BABAM2: variants seen among roughly 807,000 people sequenced by gnomAD.
The protein encoded by BABAM2 is BRISC and BRCA1-A complex member 2.
In BABAM2, 31 loss-of-function variants were observed where a neutral mutation model predicts 54.7. The observed-to-expected ratio is 0.57, with a 90% CI of 0.43 to 0.77. BABAM2 has a LOEUF of 0.77. BABAM2 is among the 30% of genes least tolerant of loss of function. BABAM2 has a pLI of 0.00. For synonymous variants in BABAM2, 167 were observed against 162.9 expected (o/e 1.03, Z -0.19); for missense variants, 364 against 455.8 (o/e 0.80, Z 1.83).
intron 8 of BABAM2, 120 bp from the exon 9 acceptor site, chr2:28,241,203 A>C: frequency 1.1e-6 from 1 of 877,972 alleles, no homozygotes; most frequent in Non-Finnish European, 1.8e-6. Flanking sequence ...GAATGTAGGT[A>C]GTGGGAATAC....
At chr2:28,263,387 C>T (rs564702463) in intron 10 of BABAM2, among the ~76,000 whole-genome samples, 2 of 152,310 alleles carry the variant, frequency 1.3e-5, no homozygotes, top group African/African-American at 4.8e-5. Context: ...AGTCCCATAG[C>T]TAGTAGCTGA....
intron 4 of BABAM2, among the ~76,000 whole-genome samples, chr2:28,013,627 T>G (rs538912011): frequency 4.9e-5 from 7 of 142,356 alleles, no homozygotes; most frequent in African/African-American, 1.9e-4. Flanking sequence ...TCATTGGTTG[T>G]AAGCCAGGGA....
intron 8 of BABAM2, among the ~76,000 whole-genome samples, chr2:28,238,097 A>T (rs1252996235): frequency 6.6e-6 from 1 of 151,988 alleles, no homozygotes; most frequent in East Asian, 1.9e-4. Flanking sequence ...TGATCTGCCT[A>T]CCTCAGCCTC....
chr2:28,089,652 G>A (rs1665991085), intron 6 of BABAM2, among the ~76,000 whole-genome samples: 1 of 152,184 alleles, frequency 6.6e-6, no homozygotes, highest in Admixed American at 6.5e-5. Context: ...ACTTGCCCAG[G>A]CTCATAAACC....
intron 3 of BABAM2, among the ~76,000 whole-genome samples, chr2:27,942,941 C>T (rs1669033877): frequency 1.3e-5 from 2 of 151,924 alleles, no homozygotes; most frequent in Non-Finnish European, 2.9e-5. Flanking sequence ...GTAGCTGGGA[C>T]TATAGGTGTG....
intron 6 of BABAM2, among the ~76,000 whole-genome samples, chr2:28,066,786 C>CT (rs1314519775): frequency 6.6e-6 from 1 of 152,146 alleles, no homozygotes; most frequent in Non-Finnish European, 1.5e-5. Flanking sequence ...GCCACAGGGC[C>CT]TTTTTTGACC....
At chr2:28,022,881 T>C (rs1420019036) in intron 4 of BABAM2, among the ~76,000 whole-genome samples, 2 of 152,276 alleles carry the variant, frequency 1.3e-5, no homozygotes, top group African/African-American at 4.8e-5. Context: ...TTTTAAAATA[T>C]GCCCTATTCT....
intron 3 of BABAM2, among the ~76,000 whole-genome samples, chr2:27,973,010 C>T (rs1033619691): frequency 2.0e-5 from 3 of 151,572 alleles, no homozygotes; most frequent in Admixed American, 6.6e-5. Flanking sequence ...TCAGATGATC[C>T]GCCCGCCTCG....
chr2:28,106,658 T>C (rs991390409), intron 6 of BABAM2, among the ~76,000 whole-genome samples: 2 of 152,222 alleles, frequency 1.3e-5, no homozygotes, highest in African/African-American at 4.8e-5. Context: ...TCTGTTTGAC[T>C]CATTACTGTT....
intron 3 of BABAM2, among the ~76,000 whole-genome samples, chr2:27,942,153 A>G (rs561689496): frequency 3.9e-4 from 60 of 152,312 alleles, no homozygotes; most frequent in Admixed American, 1.8e-3. Context: ...TTACTTATGT[A>G]GCACAATGCA....
rs1231356935 is a variant in BABAM2 at position 28,013,483 on chromosome 2, G to T, written c.301-11743G>T. ...CCAGTCCTATCACAAACTTTTATGGGAAAGTGGTTTTTCAGCTACAAAGGT... is the reference window on the plus strand; with the variant it reads ...CCAGTCCTATCACAAACTTTTATGGTAAAGTGGTTTTTCAGCTACAAAGGT... On this transcript the variant is annotated intron_variant, in intron 4 of 11. Coordinates refer to ENST00000379624, the MANE Select transcript of BABAM2 (RefSeq NM_199191.3). 6.9e-6 allele frequency: 3 copies of T among 434,818 alleles called. No homozygotes were observed. In the Admixed American group the frequency reaches 7.8e-5, roughly 11 times the overall value. 26.9% of individuals were successfully genotyped at this position (434,818 alleles called of 1,614,324 possible). A position where few individuals can be genotyped will look rare whatever the true frequency, so the allele number is the denominator to read the frequency against.
At chr2:28,181,619 C>G (rs929778438) in intron 7 of BABAM2, among the ~76,000 whole-genome samples, 2 of 151,982 alleles carry the variant, frequency 1.3e-5, no homozygotes, top group Non-Finnish European at 2.9e-5. Context: ...CCTAAATACC[C>G]TGATTTTGAT....
intron 4 of BABAM2, among the ~76,000 whole-genome samples, chr2:27,997,205 T>A (rs984484017): frequency 6.6e-6 from 1 of 152,160 alleles, no homozygotes; most frequent in African/African-American, 2.4e-5. Flanking sequence ...TCACTTCCAA[T>A]ATATATATTC....
chr2:27,934,648 T>C (rs754226358), intron 3 of BABAM2, among the ~76,000 whole-genome samples: 5 of 152,224 alleles, frequency 3.3e-5, no homozygotes, highest in Admixed American at 3.3e-4. Flanking sequence ...AACCACGTTG[T>C]GAATGCAAAG....
chr2:28,033,029 G>A (rs763180550), intron 5 of BABAM2, among the ~76,000 whole-genome samples: 9 of 152,060 alleles, frequency 5.9e-5, no homozygotes, highest in Non-Finnish European at 8.8e-5. Flanking sequence ...TCAAGATGCA[G>A]ATATTCCATT....
At chr2:28,137,412 A>G (rs1025472464) in intron 7 of BABAM2, among the ~76,000 whole-genome samples, 7 of 152,216 alleles carry the variant, frequency 4.6e-5, no homozygotes, top group South Asian at 2.1e-4. Flanking sequence ...GGGACTTGAG[A>G]TGTTCGTTTT....
chr2:28,113,553 C>T (rs1408466004), intron 6 of BABAM2, among the ~76,000 whole-genome samples: 1 of 152,060 alleles, frequency 6.6e-6, no homozygotes, highest in Non-Finnish European at 1.5e-5. Flanking sequence ...GTTGCTGTAG[C>T]CTGGTAGTGT....
intron 7 of BABAM2, among the ~76,000 whole-genome samples, chr2:28,153,736 G>A (rs1672271598): frequency 6.6e-6 from 1 of 152,184 alleles, no homozygotes; most frequent in South Asian, 2.1e-4. Context: ...AATTTTAGGG[G>A]CTCAGAAATC....
intron 10 of BABAM2, among the ~76,000 whole-genome samples, chr2:28,259,778 G>A (rs1684327611): frequency 6.6e-6 from 1 of 151,960 alleles, no homozygotes. Flanking sequence ...ATAAGGTAAG[G>A]GACATGGTTT....
Sources: allele counts gnomAD v4.1 joint callset (sites outside exome capture counted in the v4.1 genomes callset), GRCh38; gene constraint gnomAD v4.1.1; transcripts MANE v1.5; gene names NCBI Gene and HGNC (gene_info 2026-07-23, HGNC 2026-07-21).